Variants in PCDHGA2 observed in about 807,000 individuals in gnomAD.
PCDHGA2 encodes the protein protocadherin gamma-A2.
In PCDHGA2, 40 loss-of-function variants were observed where a neutral mutation model predicts 59.2. The ratio of observed to expected loss-of-function variants is 0.68; its 90% CI spans 0.52 to 0.88. The LOEUF (loss-of-function observed/expected upper bound fraction) is 0.88, where lower values mean the gene tolerates loss of function less well. Among genes scored for constraint, PCDHGA2 ranks in the 40% least tolerant of loss-of-function variants. PCDHGA2 has a pLI of 0.00. For synonymous variants in PCDHGA2, 560 were observed against 526.0 expected (o/e 1.06, Z -0.89); for missense variants, 1,226 against 1,204.0 (o/e 1.02, Z -0.27).
intron 1 of PCDHGA2, among the ~76,000 whole-genome samples, chr5:141,460,961 A>ATATG (rs1463306338): frequency 3.5e-5 from 5 of 144,556 alleles, no homozygotes; most frequent in African/African-American, 1.3e-4. Flanking sequence ...GTATATATAT[A>ATATG]TGTGTGTGTG....
rs762738990 is a variant in PCDHGA2, at chr5:141,404,672, G to C, written c.2424+63277G>C. 8.0e-5 allele frequency: 129 copies of C among 1,614,038 alleles called. 1 individual carries two copies. The South Asian group carries it at 1.4e-3, about 18-fold the overall frequency. ...TGCCCTCCCCACTGATGGTTCTACT[G>C]GTGTGGAGCTGGCACCCCGCTCTGC... On this transcript the variant is annotated intron_variant, in intron 1 of 3. Coordinates refer to ENST00000394576, the MANE Select transcript of PCDHGA2 (RefSeq NM_018915.4).
chr5:141,415,081 C>A, intron 1 of PCDHGA2: 2 of 1,613,522 alleles, frequency 1.2e-6, no homozygotes, highest in Non-Finnish European at 1.7e-6. Flanking sequence ...GGCGCGAGCC[C>A]TGCTGGACAG....
At chr5:141,488,268 C>T (rs1371050827) in intron 1 of PCDHGA2, among the ~76,000 whole-genome samples, 1 of 152,170 alleles carries the variant, frequency 6.6e-6, no homozygotes, top group East Asian at 1.9e-4. Context: ...GCGGGTTGGT[C>T]ATCACCTTTG....
chr5:141,482,363 G>C (rs2099556985), intron 1 of PCDHGA2, among the ~76,000 whole-genome samples: 1 of 152,086 alleles, frequency 6.6e-6, no homozygotes, highest in African/African-American at 2.4e-5. Flanking sequence ...AGAGTGAAAA[G>C]TAATGCATAT....
chr5:141,441,800 G>T, intron 1 of PCDHGA2: 1 of 382,594 alleles, frequency 2.6e-6, no homozygotes, highest in Non-Finnish European at 5.2e-6. Flanking sequence ...ACGCACCGCG[G>T]GTGCTGTACC....
Position 141,490,055 on chromosome 5 carries a change from G to A in PCDHGA2, c.2425-4752G>A, listed in dbSNP as rs746297447. The A allele has an allele frequency of 1.9e-6, 3 of 1,614,068 alleles. No individual in the cohort carries two copies. The Admixed American group carries it at 5.0e-5, about 27-fold the overall frequency. On this transcript the variant is annotated intron_variant, in intron 1 of 3. Transcript: ENST00000394576. This position sits in a 1 kb window ranked among gnomAD's most constrained non-coding sequence, Gnocchi z 5.4. ...CTCAATGCCACTGATCCAGACGAGG[G>A]CACCAACGGCCAACTAGACTATTCT...
Position 141,487,933 on chromosome 5 carries a change from A to G in PCDHGA2, c.2425-6874A>G. ...CACAGGAGGCTACAGTGCACAGGGT[A>G]CAGTGCACCAGGCAGTCACTTGGAC... is the stretch of plus-strand genomic sequence containing the variant. On this transcript the variant is annotated intron_variant, in intron 1 of 3. Coordinates refer to ENST00000394576, the MANE Select transcript of PCDHGA2 (RefSeq NM_018915.4). This position sits in a 1 kb window ranked among gnomAD's most constrained non-coding sequence, Gnocchi z 5.0. 1 of 612,006 alleles carries G rather than the reference A, an allele frequency of 1.6e-6. No homozygotes were observed. Among genetic ancestry groups the G allele is most frequent in the South Asian group, 2.0e-5 (1 of 49,074 alleles). The allele number at this position is 612,006 out of a possible 1,614,324, so 37.9% of individuals were successfully genotyped here. A position where few individuals can be genotyped will look rare whatever the true frequency, so the allele number is the denominator to read the frequency against.
At chr5:141,427,901 G>T in intron 1 of PCDHGA2, 1 of 1,572,232 alleles carries the variant, frequency 6.4e-7, no homozygotes. Flanking sequence ...GCTCGCCCGC[G>T]CTCAGCGCCA....
At chr5:141,370,509 G>T (rs1353191551) in intron 1 of PCDHGA2, 2 of 1,613,920 alleles carry the variant, frequency 1.2e-6, no homozygotes, top group South Asian at 1.1e-5. Flanking sequence ...CGCTATTCCC[G>T]AGGAGCTGGA....
intron 1 of PCDHGA2, chr5:141,372,330 G>C (rs764870915): frequency 1.9e-5 from 31 of 1,613,614 alleles, no homozygotes; most frequent in Non-Finnish European, 2.5e-5. Flanking sequence ...GCTGGTCACT[G>C]TGCGTGATGG....
chr5:141,389,248 A>C, intron 1 of PCDHGA2: 1 of 1,614,036 alleles, frequency 6.2e-7, no homozygotes, highest in South Asian at 1.1e-5. Context: ...CAGTCTTCCT[A>C]TATAGTCCAC....
chr5:141,351,075 CAGAGAT>C (rs1561499274), intron 1 of PCDHGA2: 12 of 1,614,032 alleles, frequency 7.4e-6, no homozygotes, highest in Non-Finnish European at 9.3e-6. Flanking sequence ...GGCATTAATG[CAGAGAT>C]CACCTATGCC....
chr5:141,505,614 A>G (rs2154593732), intron 3 of PCDHGA2, 133 bp downstream of exon 3: 1 of 1,510,758 alleles, frequency 6.6e-7, no homozygotes, highest in Non-Finnish European at 8.9e-7. Context: ...GTCTGAAAGG[A>G]CCCACAATTC....
chr5:141,370,811 G>A (rs367716692), intron 1 of PCDHGA2: 14 of 1,613,898 alleles, frequency 8.7e-6, no homozygotes, highest in Non-Finnish European at 1.2e-5. Context: ...ATATCACTGA[G>A]CTGGAAATCA....
chr5:141,505,705 GAA>G (rs1250788277), intron 3 of PCDHGA2, among the ~76,000 whole-genome samples: 1 of 152,198 alleles, frequency 6.6e-6, no homozygotes, highest in Non-Finnish European at 1.5e-5. Flanking sequence ...AGCGAACAAG[GAA>G]AAGACTCATG....
intron 1 of PCDHGA2, among the ~76,000 whole-genome samples, chr5:141,474,417 C>CCATT (rs1206525105): frequency 6.6e-6 from 1 of 152,222 alleles, no homozygotes; most frequent in East Asian, 1.9e-4. Context: ...GATGCCTAGA[C>CCATT]CATTGGTCCT....
chr5:141,356,987 GA>G, intron 1 of PCDHGA2: 1 of 1,614,186 alleles, frequency 6.2e-7, no homozygotes, highest in Non-Finnish European at 8.5e-7. Context: ...GCAGTGGACA[GA>G]GACTCAGGTC....
intron 1 of PCDHGA2, among the ~76,000 whole-genome samples, chr5:141,482,800 G>A (rs10052648): frequency 7.6e-6 from 1 of 130,764 alleles, no homozygotes; most frequent in South Asian, 2.2e-4. Flanking sequence ...GGCCGGGTAC[G>A]GTGGCTCATG....
At chr5:141,344,213 G>A (rs749543351) in intron 1 of PCDHGA2, 2 of 1,614,048 alleles carry the variant, frequency 1.2e-6, no homozygotes, top group Admixed American at 1.7e-5. Flanking sequence ...GGGAGCTGGC[G>A]GAGCGCGGAG....
Sources: gnomAD v4.1 joint callset for allele counts (sites outside exome capture counted in the v4.1 genomes callset) on GRCh38, gnomAD v4.1.1 for gene constraint, Gnocchi (gnomAD v3.1) non-coding constraint, MANE v1.5 for transcripts, NCBI Gene and HGNC (gene_info 2026-07-23, HGNC 2026-07-21) for gene names.